LRRC34: variants seen among roughly 807,000 people sequenced by gnomAD.
The protein encoded by LRRC34 is leucine-rich repeat-containing protein 34.
LRRC34 carries 44 observed loss-of-function variants against 48.5 expected under a neutral mutation model. The ratio of observed to expected loss-of-function variants is 0.91; its 90% confidence interval spans 0.71 to 1.17. LRRC34 has a LOEUF of 1.17. LRRC34 is among the 50% of genes most tolerant of loss of function. LRRC34 has a pLI of 0.00. For missense variants in LRRC34, 502 were observed against 563.0 expected, an observed-to-expected ratio of 0.89 and a Z score of 1.10; for synonymous variants, 192 against 197.6, an observed-to-expected ratio of 0.97 and a Z score of 0.24.
intron 7 of LRRC34, among the ~76,000 whole-genome samples, chr3:169,799,154 C>T (rs1445658861): frequency 1.3e-5 from 2 of 152,124 alleles, no homozygotes; most frequent in South Asian, 2.1e-4. Context: ...CATGAAACAA[C>T]GTGATGTAAA....
chr3:169,803,430 G>A lies in LRRC34; in HGVS notation c.657+623C>T, dbSNP rs149552157. ...TTTAAGTTTTTGTGCTACAATATAAGTAACTACTAAAAAGTATTTTATTTT... is the reference window on the plus strand; with the variant it reads ...TTTAAGTTTTTGTGCTACAATATAAATAACTACTAAAAAGTATTTTATTTT... On this transcript the variant is annotated intron_variant, in intron 6 of 10. Transcript: ENST00000446859. Among the ~76,000 whole-genome samples the A allele has an allele frequency of 8.5e-4, 129 of 152,274 alleles. 1 individual carries two copies. The highest frequency in any genetic ancestry group is 3.0e-3 in the African/African-American group (123 of 41,560).
At chr3:169,798,713 A>G (rs2108227839) in intron 7 of LRRC34, among the ~76,000 whole-genome samples, 1 of 152,320 alleles carries the variant, frequency 6.6e-6, no homozygotes, top group Non-Finnish European at 1.5e-5. Flanking sequence ...GATCTCCTAT[A>G]TATAAACATA....
At chr3:169,806,974 A>G (rs1256920345) in intron 4 of LRRC34, 43 bp from the exon 5 acceptor site, 1 of 1,283,070 alleles carries the variant, frequency 7.8e-7, no homozygotes. Context: ...ATTATTGGAA[A>G]TTGGTCAGTT....
At chr3:169,795,300 G>C (rs1289707455) in intron 10 of LRRC34, 185 bp downstream of exon 10, 1 of 457,188 alleles carries the variant, frequency 2.2e-6, no homozygotes, top group African/African-American at 2.0e-5. Flanking sequence ...CTAATACATA[G>C]TTTTAATATC....
chr3:169,796,156 G>A (rs761406126), intron 9 of LRRC34, 58 bp downstream of exon 9: 2 of 1,538,060 alleles, frequency 1.3e-6, no homozygotes, highest in Non-Finnish European at 1.7e-6. Context: ...GGGGATTGAG[G>A]TTAGTATTTA....
At chr3:169,796,174 G>T in intron 9 of LRRC34, 40 bp downstream of exon 9, 1 of 1,550,778 alleles carries the variant, frequency 6.4e-7, no homozygotes, top group Non-Finnish European at 8.6e-7. Context: ...TTAAAAATTT[G>T]CTTTTCTGTT....
chr3:169,796,132 ATCT>A, intron 9 of LRRC34, 79 bp downstream of exon 9: 1 of 1,448,814 alleles, frequency 6.9e-7, no homozygotes, highest in Non-Finnish European at 9.1e-7. Context: ...TTTCATTATA[ATCT>A]TAAGAGTTAA....
chr3:169,806,672 A>G (rs1243777344), intron 5 of LRRC34, among the ~76,000 whole-genome samples, 176 bp downstream of exon 5: 1 of 152,222 alleles, frequency 6.6e-6, no homozygotes, highest in African/African-American at 2.4e-5. Context: ...TAGTAAAACT[A>G]TGACTTCAAA....
rs1304555571 is a variant in LRRC34, at chr3:169,796,934, AT to A, written c.754-36del. 3.4e-6 allele frequency: 5 copies of A among 1,451,192 alleles called. No individual in the cohort carries two copies. In the South Asian group the frequency reaches 6.0e-5, roughly 17 times the overall value. The allele number at this position is 1,451,192 out of a possible 1,614,324, so 89.9% of individuals were successfully genotyped here. ...GATAAAATCTTATTTCTAAAATATAATTTTGAAGTAGTACATGTTTATTTCA... is the reference window on the plus strand; with the variant it reads ...GATAAAATCTTATTTCTAAAATATAATTTGAAGTAGTACATGTTTATTTCA... On this transcript the variant is annotated intron_variant, in intron 7 of 10. Transcript: ENST00000446859.
chr3:169,803,899 T>C (rs1172490989), intron 6 of LRRC34, 154 bp downstream of exon 6: 4 of 535,380 alleles, frequency 7.5e-6, no homozygotes, highest in Non-Finnish European at 1.2e-5. Context: ...ATAGTCTGAT[T>C]TTATTAATAA....
intron 6 of LRRC34, among the ~76,000 whole-genome samples, chr3:169,803,102 A>T (rs1156697330): frequency 6.6e-6 from 1 of 152,216 alleles, no homozygotes; most frequent in Admixed American, 6.5e-5. Context: ...AGGCCTAAAG[A>T]TTTGAAAGCA....
chr3:169,797,748 T>C (rs538548709), intron 7 of LRRC34, among the ~76,000 whole-genome samples: 26 of 152,292 alleles, frequency 1.7e-4, no homozygotes, highest in Non-Finnish European at 3.2e-4. Context: ...CACATAGCAA[T>C]AGCAGAAAGT....
At chr3:169,797,342 T>C (rs947663136) in intron 7 of LRRC34, among the ~76,000 whole-genome samples, 2 of 152,160 alleles carry the variant, frequency 1.3e-5, no homozygotes, top group Admixed American at 6.5e-5. Flanking sequence ...TACAAAGACA[T>C]TTCCCAATCT....
Position 169,808,648 on chromosome 3 carries a change from C to T in LRRC34, c.237G>A (p.Val79=), listed in dbSNP as rs764033895. ...CTTACCCCTTTTTAATTTCTTCATCCACTTCTTGGAGTATATGCAATATAA... is the reference window on the plus strand; with the variant it reads ...CTTACCCCTTTTTAATTTCTTCATCTACTTCTTGGAGTATATGCAATATAA... ...NPFILHILQE[V]DEEIKKGLAA... is the part of the protein sequence containing the mutation. The change falls in exon 2 of 11, where the codon GTG becomes GTA. Residue 79 remains valine (V), a synonymous_variant. Transcript: ENST00000446859. 1.4e-5 allele frequency: 22 copies of T among 1,524,200 alleles called. No individual in the cohort carries two copies. Among genetic ancestry groups the T allele is most frequent in the Non-Finnish European group, 1.9e-5 (21 of 1,108,034 alleles). 94.4% of individuals were successfully genotyped at this position (1,524,200 alleles called of 1,614,324 possible).
chr3:169,797,235 T>C (rs1379335259), intron 7 of LRRC34, among the ~76,000 whole-genome samples: 3 of 152,172 alleles, frequency 2.0e-5, no homozygotes, highest in African/African-American at 4.8e-5. Context: ...GTATTGAGCA[T>C]GTAATCCATC....
intron 2 of LRRC34, chr3:169,807,945 C>T (rs1779439709): frequency 2.2e-6 from 1 of 456,956 alleles, no homozygotes; most frequent in Non-Finnish European, 3.8e-6. Context: ...AGCTCTCTCA[C>T]ACACACTCAC....
At chr3:169,806,748 T>C (rs1301962443) in intron 5 of LRRC34, 100 bp downstream of exon 5, 2 of 653,992 alleles carry the variant, frequency 3.1e-6, no homozygotes, top group Non-Finnish European at 5.3e-6. Flanking sequence ...TCCTACAATA[T>C]TAAAATAAGT....
Position 169,807,423 on chromosome 3 carries a change from T to C in LRRC34, c.444+3A>G. On this transcript the variant is annotated splice_donor_region_variant and intron_variant, in intron 4 of 10. Transcript: ENST00000446859. Reference sequence around the variant, plus strand: ...CTAAGGACATTTTGTAGTAAAATAATACCTGAAGCAGTTTCGCAGCATAGT... The same window carrying C: ...CTAAGGACATTTTGTAGTAAAATAACACCTGAAGCAGTTTCGCAGCATAGT... 1 of 1,613,216 alleles carries C rather than the reference T, an allele frequency of 6.2e-7. No individual in the cohort carries two copies. Among genetic ancestry groups the C allele is most frequent in the Non-Finnish European group, 8.5e-7 (1 of 1,179,264 alleles).
rs1242762655 is a variant in LRRC34 at position 169,800,206 on chromosome 3, T to C, written c.753+453A>G. 2.0e-5 allele frequency among the ~76,000 whole-genome samples: 3 copies of C among 152,334 alleles called. No individual in the cohort carries two copies. In the East Asian group the frequency reaches 5.8e-4, roughly 29 times the overall value. ...AAAGTAGGAACCACATTTTTACTCA[T>C]CTTTCTGTCTCCAGCAAGCAGCTTA... is the stretch of plus-strand genomic sequence containing the variant. On this transcript the variant is annotated intron_variant, in intron 7 of 10. Coordinates refer to ENST00000446859, the MANE Select transcript of LRRC34 (RefSeq NM_001172779.2).
Sources: gnomAD v4.1 joint callset for allele counts (sites outside exome capture counted in the v4.1 genomes callset) on GRCh38, gnomAD v4.1.1 for gene constraint, MANE v1.5 for transcripts, NCBI Gene and HGNC (gene_info 2026-07-23, HGNC 2026-07-21) for gene names.